DTNA: variants seen among roughly 807,000 people sequenced by gnomAD.
DTNA encodes the protein dystrophin-related protein 3.
Under a neutral mutation model 100.7 loss-of-function variants are expected in DTNA, and 43 were observed. That is an observed-to-expected ratio of 0.43 (90% CI 0.33 to 0.55). The LOEUF is 0.55. Ranked by LOEUF, DTNA falls within the 20% of genes least tolerant of loss-of-function variation. The probability of loss-of-function intolerance (pLI) is 0.04; values close to 1 mark genes in which losing one functional copy is unlikely to be tolerated. For missense variants in DTNA, 798 were observed against 953.9 expected (o/e 0.84, Z 2.15); for synonymous variants, 349 against 347.9 (o/e 1.00, Z -0.04).
intron 1 of DTNA, among the ~76,000 whole-genome samples, chr18:34,668,211 A>G (rs1236557776): frequency 1.3e-5 from 2 of 152,156 alleles, no homozygotes; most frequent in South Asian, 2.1e-4. Context: ...GTTTATTTGC[A>G]TAGAGATGTT....
Position 34,887,911 on chromosome 18 carries a change from C to A in DTNA, c.*177C>A, listed in dbSNP as rs779671839. The A allele has an allele frequency of 9.1e-5, 90 of 986,628 alleles. No individual in the cohort carries two copies. Among genetic ancestry groups the A allele is most frequent in the Non-Finnish European group, 1.1e-4 (89 of 830,212 alleles). 61.1% of individuals were successfully genotyped at this position (986,628 alleles called of 1,614,324 possible). On this transcript the variant is annotated 3_prime_UTR_variant, in exon 23 of 23. Coordinates refer to ENST00000444659, the MANE Select transcript of DTNA (RefSeq NM_001386795.1). ...ACCACACCCAGCAGCTCCTGACAGA[C>A]CCCCACCCCTAAAGATGTGTCCTGA...
chr18:34,523,037 C>T (rs1199032831), intron 1 of DTNA, among the ~76,000 whole-genome samples: 1 of 152,138 alleles, frequency 6.6e-6, no homozygotes, highest in Non-Finnish European at 1.5e-5. Flanking sequence ...TGTTTCAGTC[C>T]CACTTTAGAA....
intron 1 of DTNA, among the ~76,000 whole-genome samples, chr18:34,631,067 A>G (rs971437315): frequency 2.6e-5 from 4 of 152,204 alleles, no homozygotes; most frequent in Non-Finnish European, 5.9e-5. Context: ...AATGATTTAA[A>G]CAATAATACT....
At chr18:34,826,947 T>G (rs1230923245) in intron 9 of DTNA, among the ~76,000 whole-genome samples, 1 of 152,216 alleles carries the variant, frequency 6.6e-6, no homozygotes, top group Non-Finnish European at 1.5e-5. Flanking sequence ...AATTGAATTC[T>G]GTTTTCCTTC....
chr18:34,820,704 G>A, intron 8 of DTNA, 87 bp from the exon 9 acceptor site: 1 of 1,590,822 alleles, frequency 6.3e-7, no homozygotes, highest in African/African-American at 1.4e-5. Context: ...TTCCGTAAAT[G>A]AATATCTATT....
chr18:34,589,669 A>T (rs1488782527), intron 1 of DTNA, among the ~76,000 whole-genome samples: 1 of 152,162 alleles, frequency 6.6e-6, no homozygotes, highest in Non-Finnish European at 1.5e-5. Context: ...AATTACCGGT[A>T]TACAATACAA....
At chr18:34,824,179 G>A (rs2095795894) in intron 9 of DTNA, among the ~76,000 whole-genome samples, 1 of 152,150 alleles carries the variant, frequency 6.6e-6, no homozygotes, top group Admixed American at 6.5e-5. Context: ...TTTAATGATT[G>A]TGTTAAAAAT....
At chr18:34,715,423 A>G (rs2083832614) in intron 1 of DTNA, among the ~76,000 whole-genome samples, 1 of 152,130 alleles carries the variant, frequency 6.6e-6, no homozygotes, top group Non-Finnish European at 1.5e-5. Flanking sequence ...TCTCAAACAC[A>G]CATGTTATGA....
chr18:34,606,862 G>A (rs1019554177), intron 1 of DTNA, among the ~76,000 whole-genome samples: 5 of 152,124 alleles, frequency 3.3e-5, no homozygotes, highest in African/African-American at 1.2e-4. Context: ...GAAAGGCGAT[G>A]AATTTGGAGG....
rs568185360 is a variant in DTNA at position 34,795,092 on chromosome 18, C to A, written c.362+842C>A. On this transcript the variant is annotated intron_variant, in intron 4 of 22. Coordinates refer to ENST00000444659, the MANE Select transcript of DTNA (RefSeq NM_001386795.1). The stretch of plus-strand genomic sequence containing the variant: ...CCTGGACGTAGTACCACCCCCTCCA[C>A]TTCCACTGCTTGTTTTGAATATTAA... 8.5e-5 allele frequency among the ~76,000 whole-genome samples: 13 copies of A among 152,340 alleles called. No individual in the cohort carries two copies. In the South Asian group the frequency reaches 2.7e-3, roughly 32 times the overall value.
intron 14 of DTNA, among the ~76,000 whole-genome samples, chr18:34,851,220 G>GC (rs1290694383): frequency 2.0e-5 from 3 of 152,098 alleles, no homozygotes; most frequent in South Asian, 2.1e-4. Context: ...TCCTGCCTCA[G>GC]CCCCCCTAGT....
intron 1 of DTNA, among the ~76,000 whole-genome samples, chr18:34,714,719 C>A (rs1231753484): frequency 1.3e-5 from 2 of 151,660 alleles, no homozygotes; most frequent in Non-Finnish European, 2.9e-5. Flanking sequence ...TTTGACCCAG[C>A]CACCCATAAA....
At chr18:34,726,122 A>G (rs921863396) in intron 1 of DTNA, among the ~76,000 whole-genome samples, 1 of 152,160 alleles carries the variant, frequency 6.6e-6, no homozygotes, top group Non-Finnish European at 1.5e-5. Flanking sequence ...GAGGAGGGAT[A>G]GCATTAGGAG....
intron 18 of DTNA, among the ~76,000 whole-genome samples, chr18:34,875,674 C>G (rs184543581): frequency 1.3e-5 from 2 of 152,326 alleles, no homozygotes; most frequent in Admixed American, 1.3e-4. Flanking sequence ...CCAATACCCC[C>G]AGAAAACTTC....
At chr18:34,508,401 G>T (rs2040706407) in intron 1 of DTNA, among the ~76,000 whole-genome samples, 1 of 152,008 alleles carries the variant, frequency 6.6e-6, no homozygotes, top group Non-Finnish European at 1.5e-5. Flanking sequence ...ACTGTATGCT[G>T]GCATTTTTCT....
At chr18:34,748,145 G>A (rs985977556) in intron 1 of DTNA, among the ~76,000 whole-genome samples, 40 of 151,938 alleles carry the variant, frequency 2.6e-4, no homozygotes, top group Non-Finnish European at 1.5e-5. Context: ...CCTACTTTTT[G>A]ATGGGATTAG....
chr18:34,644,346 TTGTAA>T (rs971125331), intron 1 of DTNA, among the ~76,000 whole-genome samples: 1 of 152,172 alleles, frequency 6.6e-6, no homozygotes, highest in Non-Finnish European at 1.5e-5. Context: ...TTATGACTAC[TTGTAA>T]TGTTTATGTT....
Position 34,754,170 on chromosome 18 carries a change from C to T in DTNA, c.-1-1806C>T, listed in dbSNP as rs75109140. ...TGGCAATGGGCAAATAGTGCTTCAC[C>T]CATAAAAGCATCTGGTCAGGCTACT... On this transcript the variant is annotated intron_variant, in intron 1 of 22. Transcript: ENST00000444659. Among the ~76,000 whole-genome samples the T allele has an allele frequency of 1.8e-3, 277 of 152,264 alleles. 1 individual carries two copies. Among genetic ancestry groups the T allele is most frequent in the African/African-American group, 6.2e-3 (256 of 41,552 alleles).
chr18:34,535,727 C>T (rs939865859), intron 1 of DTNA, among the ~76,000 whole-genome samples: 9 of 152,052 alleles, frequency 5.9e-5, no homozygotes, highest in African/African-American at 1.9e-4. Context: ...CCAGTTTTCC[C>T]AGCACCATTT....
Sources: allele counts gnomAD v4.1 joint callset (sites outside exome capture counted in the v4.1 genomes callset), GRCh38; gene constraint gnomAD v4.1.1; transcripts MANE v1.5; gene names NCBI Gene and HGNC (gene_info 2026-07-23, HGNC 2026-07-21).